Variants in MICAL3 observed in about 807,000 individuals in gnomAD.
MICAL3 encodes the protein microtubule associated monooxygenase, calponin and LIM domain containing 3.
Under a neutral mutation model 207.4 loss-of-function variants are expected in MICAL3, and 62 were observed. The observed-to-expected ratio is 0.30, with a 90% confidence interval of 0.24 to 0.37. The LOEUF (loss-of-function observed/expected upper bound fraction) is 0.37, where lower values mean the gene tolerates loss of function less well. Ranked by LOEUF, MICAL3 falls within the 10% of genes least tolerant of loss-of-function variation. The pLI, the probability that MICAL3 is intolerant of heterozygous loss-of-function variation, is 1.00. For synonymous variants in MICAL3, 1,077 were observed against 1,069.3 expected (o/e 1.01, Z -0.14); for missense variants, 2,368 against 2,635.6 (o/e 0.90, Z 2.22).
intron 20 of MICAL3, among the ~76,000 whole-genome samples, chr22:17,832,388 G>A (rs77197681): frequency 0.01 from 1,534 of 152,302 alleles, 26 homozygotes; most frequent in African/African-American, 0.033. Context: ...GGGGACCACC[G>A]AAGGCTGCCT....
intron 1 of MICAL3, among the ~76,000 whole-genome samples, chr22:17,921,818 T>C (rs1932806295): frequency 2.0e-5 from 3 of 151,994 alleles, no homozygotes; most frequent in African/African-American, 7.3e-5. Flanking sequence ...CTCGCTCCAA[T>C]ACATCCTCCA....
intron 1 of MICAL3, among the ~76,000 whole-genome samples, chr22:17,974,826 T>C (rs1427731299): frequency 6.6e-6 from 1 of 152,112 alleles, no homozygotes; most frequent in East Asian, 1.9e-4. Context: ...TGAGCACTAC[T>C]GTGCATGCTG....
chr22:17,810,531 G>T (rs1174800544), intron 28 of MICAL3, among the ~76,000 whole-genome samples, 172 bp downstream of exon 28: 1 of 152,206 alleles, frequency 6.6e-6, no homozygotes, highest in Non-Finnish European at 1.5e-5. Flanking sequence ...GCTCCACCAA[G>T]GCAGGGCCTC....
intron 1 of MICAL3, among the ~76,000 whole-genome samples, chr22:17,975,467 C>G (rs1935590945): frequency 6.6e-6 from 1 of 152,088 alleles, no homozygotes; most frequent in East Asian, 1.9e-4. Flanking sequence ...TCTTCCTTAC[C>G]CAGCTTTCCC....
intron 1 of MICAL3, among the ~76,000 whole-genome samples, chr22:17,982,430 A>AC (rs1935955476): frequency 6.6e-6 from 1 of 152,206 alleles, no homozygotes; most frequent in African/African-American, 2.4e-5. Flanking sequence ...TAATCCCAGC[A>AC]CTTTGGGAGA....
chr22:17,850,963 G>A (rs779461673), intron 19 of MICAL3, among the ~76,000 whole-genome samples: 1 of 152,106 alleles, frequency 6.6e-6, no homozygotes, highest in Non-Finnish European at 1.5e-5. Context: ...GTATCAACTG[G>A]CCAGGCCATC....
chr22:17,918,875 T>C (rs1932706619), intron 1 of MICAL3, among the ~76,000 whole-genome samples: 1 of 152,140 alleles, frequency 6.6e-6, no homozygotes, highest in Non-Finnish European at 1.5e-5. Context: ...GCTCCAGAAA[T>C]AACAGCAGTG....
intron 19 of MICAL3, among the ~76,000 whole-genome samples, chr22:17,859,950 C>T (rs1214375679): frequency 1.3e-5 from 2 of 152,236 alleles, no homozygotes; most frequent in African/African-American, 4.8e-5. Flanking sequence ...ACTCCAGCCC[C>T]TACACAGGAG....
At chr22:17,930,919 T>G (rs1035638371) in intron 1 of MICAL3, among the ~76,000 whole-genome samples, 1 of 152,224 alleles carries the variant, frequency 6.6e-6, no homozygotes, top group Non-Finnish European at 1.5e-5. Context: ...GCCCCAGGCC[T>G]GCCACCGGTC....
At chr22:17,801,495 C>G (rs2061939086) in intron 29 of MICAL3, among the ~76,000 whole-genome samples, 1 of 152,082 alleles carries the variant, frequency 6.6e-6, no homozygotes, top group Non-Finnish European at 1.5e-5. Context: ...CCCCCTGGAA[C>G]TTGCTGGAAT....
chr22:17,854,748 C>T (rs1166252630), intron 19 of MICAL3, among the ~76,000 whole-genome samples: 1 of 152,242 alleles, frequency 6.6e-6, no homozygotes, highest in Non-Finnish European at 1.5e-5. Context: ...CCTACCCCTC[C>T]GTCCATGTTT....
chr22:17,998,058 T>C (rs1414990510), intron 1 of MICAL3, among the ~76,000 whole-genome samples: 1 of 150,188 alleles, frequency 6.7e-6, no homozygotes, highest in Non-Finnish European at 1.5e-5. Context: ...TCTCAGCACT[T>C]TGGAAGGCCA....
chr22:17,806,111 G>A (rs890155432), intron 29 of MICAL3, among the ~76,000 whole-genome samples: 2 of 152,312 alleles, frequency 1.3e-5, no homozygotes, highest in Non-Finnish European at 2.9e-5. Flanking sequence ...TTGATTTTGT[G>A]GAGCCCTCAG....
At position 17,794,684 on chromosome 22, in the gene MICAL3, T is replaced by C. The variant is rs573183646; in HGVS notation, c.5651-3383A>G. Among the ~76,000 whole-genome samples, 3 of 152,254 alleles carry C rather than the reference T, an allele frequency of 2.0e-5. No homozygotes were observed. In the East Asian group the frequency reaches 5.8e-4, roughly 29 times the overall value. ...ATGCTGCAGCTGGGGGCTGTCACAC[T>C]CTGGATTGTGAGACCAAAGGGGTGA... is the stretch of plus-strand genomic sequence containing the variant. On this transcript the variant is annotated intron_variant, in intron 29 of 31. Transcript: ENST00000441493.
At chr22:17,877,315 G>GGGAGGTTATGGAGGTTAT (rs1928779374) in intron 16 of MICAL3, among the ~76,000 whole-genome samples, 1 of 49,782 alleles carries the variant, frequency 2.0e-5, no homozygotes, top group African/African-American at 1.3e-4. Context: ...ATGGAGGTTA[G>GGGAGGTTATGGAGGTTAT]GGAGGTTAGG....
chr22:17,849,946 C>T (rs944504613), intron 19 of MICAL3, among the ~76,000 whole-genome samples: 16 of 151,970 alleles, frequency 1.1e-4, no homozygotes, highest in Non-Finnish European at 1.6e-4. Flanking sequence ...CCGCCTTAGC[C>T]TCCCAAAGTG....
rs767651346 is a variant in MICAL3, at chr22:17,841,885, G to A, written c.2738C>T (p.Thr913Ile). The change falls in exon 20 of 32, where the codon ACT (threonine) becomes ATT (isoleucine). Residue 913 changes from threonine (T) to isoleucine (I), a missense_variant. Thr to Ile is a moderately conservative substitution (Grantham distance 89). Transcript: ENST00000441493. This position sits in a 1 kb window ranked among gnomAD's most constrained non-coding sequence, Gnocchi z 4.2. ...GCTGCTCAGGTTGTGCTCGGCCTGAGTCTCCTCCGGTACCTCCTGCAGTGC... is the reference window on the plus strand; with the variant it reads ...GCTGCTCAGGTTGTGCTCGGCCTGAATCTCCTCCGGTACCTCCTGCAGTGC... Reference protein sequence around the residue: ...AEALQEVPEETQAEHNLSSVL... With the variant: ...AEALQEVPEEIQAEHNLSSVL... 1 of 1,581,784 alleles carries A rather than the reference G, an allele frequency of 6.3e-7. No homozygotes were observed. Among genetic ancestry groups the A allele is most frequent in the Non-Finnish European group, 8.6e-7 (1 of 1,166,142 alleles).
chr22:17,861,103 C>T (rs1926473185), intron 19 of MICAL3: 2 of 985,424 alleles, frequency 2.0e-6, no homozygotes, highest in Non-Finnish European at 2.4e-6. Context: ...CACTAAAAAG[C>T]TTTCCATAAA....
intron 1 of MICAL3, among the ~76,000 whole-genome samples, chr22:18,023,128 C>A (rs539780999): frequency 3.9e-5 from 6 of 152,122 alleles, no homozygotes; most frequent in African/African-American, 7.2e-5. Flanking sequence ...AAAAATGTCA[C>A]CCTGATTGAT....
Sources: gnomAD v4.1 joint callset for allele counts (sites outside exome capture counted in the v4.1 genomes callset) on GRCh38, gnomAD v4.1.1 for gene constraint, Gnocchi (gnomAD v3.1) non-coding constraint, MANE v1.5 for transcripts, NCBI Gene and HGNC (gene_info 2026-07-23, HGNC 2026-07-21) for gene names.